DOCK4: variants seen among roughly 807,000 people sequenced by gnomAD.
The protein encoded by DOCK4 is dedicator of cytokinesis 4.
DOCK4 carries 97 observed loss-of-function variants against 268.1 expected under a neutral mutation model. That is an observed-to-expected ratio of 0.36 (90% CI 0.31 to 0.43). The LOEUF (loss-of-function observed/expected upper bound fraction) is 0.43, where lower values mean the gene tolerates loss of function less well. Ranked by LOEUF, DOCK4 falls within the 20% of genes least tolerant of loss-of-function variation. The pLI is 1.00. For synonymous variants in DOCK4, 954 were observed against 887.2 expected (o/e 1.08, Z -1.34); for missense variants, 2,145 against 2,455.7 (o/e 0.87, Z 2.67).
intron 1 of DOCK4, among the ~76,000 whole-genome samples, chr7:112,021,990 T>G (rs1359544913): frequency 1.3e-5 from 2 of 152,224 alleles, no homozygotes; most frequent in African/African-American, 2.4e-5. Flanking sequence ...TGCTTCCGAT[T>G]AATGTCAAAA....
intron 26 of DOCK4, 94 bp from the exon 27 acceptor site, chr7:111,822,550 A>C (rs1056484629): frequency 1.8e-6 from 2 of 1,089,012 alleles, no homozygotes; most frequent in African/African-American, 3.2e-5. Context: ...TACTGTTACC[A>C]TTTCCAAAGC....
chr7:112,194,877 G>C (rs1820278414), intron 1 of DOCK4, among the ~76,000 whole-genome samples: 1 of 152,000 alleles, frequency 6.6e-6, no homozygotes, highest in African/African-American at 2.4e-5. Flanking sequence ...GCCTAACCTG[G>C]GGCAAAGAAC....
intron 23 of DOCK4, among the ~76,000 whole-genome samples, chr7:111,853,768 T>C (rs1486473693): frequency 6.6e-6 from 1 of 152,164 alleles, no homozygotes; most frequent in Non-Finnish European, 1.5e-5. Flanking sequence ...CATCTTACTT[T>C]TGGTAGTTAC....
At chr7:112,084,950 A>G (rs1257146593) in intron 1 of DOCK4, among the ~76,000 whole-genome samples, 2 of 152,088 alleles carry the variant, frequency 1.3e-5, no homozygotes, top group African/African-American at 2.4e-5. Flanking sequence ...CATACAGAAC[A>G]TAAGTTACTT....
chr7:112,154,693 T>G (rs957871648), intron 1 of DOCK4, among the ~76,000 whole-genome samples: 2 of 152,188 alleles, frequency 1.3e-5, no homozygotes, highest in African/African-American at 4.8e-5. Flanking sequence ...CCAGGAACAC[T>G]GGCGTGGGGT....
chr7:111,861,911 G>C (rs1243308897), intron 23 of DOCK4, among the ~76,000 whole-genome samples: 4 of 151,960 alleles, frequency 2.6e-5, no homozygotes, highest in Non-Finnish European at 5.9e-5. Flanking sequence ...ATAGAAAATA[G>C]GAACCATAAT....
At chr7:112,187,478 A>G (rs142562253) in intron 1 of DOCK4, among the ~76,000 whole-genome samples, 387 of 152,318 alleles carry the variant, frequency 2.5e-3, no homozygotes, top group Non-Finnish European at 4.6e-3. Flanking sequence ...TCTGGAGAAT[A>G]AAAATGAAGG....
intron 12 of DOCK4, among the ~76,000 whole-genome samples, chr7:111,921,520 A>G (rs1483969977): frequency 6.6e-6 from 1 of 152,214 alleles, no homozygotes; most frequent in Non-Finnish European, 1.5e-5. Context: ...ACCACATAAC[A>G]TGTAGCTACG....
chr7:111,951,922 C>G (rs1008972871), intron 8 of DOCK4, among the ~76,000 whole-genome samples: 1 of 151,564 alleles, frequency 6.6e-6, no homozygotes, highest in African/African-American at 2.4e-5. Context: ...TCACACAAAC[C>G]AAGAGTTTTT....
intron 12 of DOCK4, among the ~76,000 whole-genome samples, chr7:111,927,851 T>C (rs943008420): frequency 1.3e-5 from 2 of 152,144 alleles, no homozygotes; most frequent in African/African-American, 4.8e-5. Context: ...GGACCTTCCC[T>C]GCCATTCTCC....
chr7:112,181,071 C>T (rs562539211), intron 1 of DOCK4, among the ~76,000 whole-genome samples: 1 of 152,102 alleles, frequency 6.6e-6, no homozygotes, highest in Non-Finnish European at 1.5e-5. Context: ...GTTAATTTTG[C>T]TCATTTGGTA....
intron 1 of DOCK4, among the ~76,000 whole-genome samples, chr7:112,064,225 C>T (rs189608693): frequency 1.4e-3 from 218 of 152,262 alleles, no homozygotes; most frequent in South Asian, 0.013. Context: ...CAGACTAATC[C>T]TGTGGGGGTG....
At chr7:112,018,965 C>G (rs939145419) in intron 1 of DOCK4, among the ~76,000 whole-genome samples, 6 of 152,140 alleles carry the variant, frequency 3.9e-5, no homozygotes, top group Non-Finnish European at 5.9e-5. Context: ...TTCTGACCAT[C>G]AACAGAGGTG....
chr7:112,164,026 T>C (rs1817371229), intron 1 of DOCK4, among the ~76,000 whole-genome samples: 1 of 152,224 alleles, frequency 6.6e-6, no homozygotes, highest in Non-Finnish European at 1.5e-5. Flanking sequence ...CTCATGCGTA[T>C]AATCCCCAAC....
At chr7:112,037,333 G>C (rs544035017) in intron 1 of DOCK4, among the ~76,000 whole-genome samples, 2 of 152,300 alleles carry the variant, frequency 1.3e-5, no homozygotes, top group South Asian at 4.2e-4. Context: ...TTGTCAGCCT[G>C]TAACTCCATT....
intron 15 of DOCK4, among the ~76,000 whole-genome samples, chr7:111,896,486 GGTTT>G (rs1432102959): frequency 1.5e-5 from 2 of 134,002 alleles, no homozygotes; most frequent in Non-Finnish European, 3.1e-5. Flanking sequence ...TTTCCACCAA[GGTTT>G]TTTTTTTTTT....
At chr7:112,159,912 TAATCCCAAATACCCG>T (rs1311606676) in intron 1 of DOCK4, among the ~76,000 whole-genome samples, 1 of 150,820 alleles carries the variant, frequency 6.6e-6, no homozygotes, top group Non-Finnish European at 1.5e-5. Flanking sequence ...TAATACATAA[TAATCCCAAATACCCG>T]AATCCCAAAT....
intron 7 of DOCK4, among the ~76,000 whole-genome samples, chr7:111,982,718 T>C (rs1461939908): frequency 6.6e-6 from 1 of 152,206 alleles, no homozygotes; most frequent in Admixed American, 6.5e-5. Context: ...CTCCAAAGCA[T>C]TGACTGGGTG....
intron 1 of DOCK4, among the ~76,000 whole-genome samples, chr7:112,072,603 C>G (rs1807694170): frequency 6.6e-6 from 1 of 152,160 alleles, no homozygotes. Context: ...GCCAGAAGAG[C>G]CCCTCACCTG....
Sources: gnomAD v4.1 joint callset for allele counts (sites outside exome capture counted in the v4.1 genomes callset) on GRCh38, gnomAD v4.1.1 for gene constraint, MANE v1.5 for transcripts, NCBI Gene and HGNC (gene_info 2026-07-23, HGNC 2026-07-21) for gene names.